Variants in ADGRA3 observed in about 807,000 individuals in gnomAD.
ADGRA3 encodes the protein adhesion G protein-coupled receptor A3.
A neutral mutation model predicts 119.8 loss-of-function variants in ADGRA3; 56 were observed. The observed-to-expected ratio is 0.47, with a 90% CI of 0.38 to 0.58. ADGRA3 has a LOEUF of 0.58. Ranked by LOEUF, ADGRA3 falls within the 20% of genes least tolerant of loss-of-function variation. ADGRA3 has a pLI of 0.00. For synonymous variants in ADGRA3, 607 were observed against 623.8 expected (o/e 0.97, Z 0.40); for missense variants, 1,516 against 1,649.0 (o/e 0.92, Z 1.40).
chr4:22,487,421 A>G (rs568004454), intron 1 of ADGRA3, among the ~76,000 whole-genome samples: 1 of 152,254 alleles, frequency 6.6e-6, no homozygotes, highest in East Asian at 1.9e-4. Flanking sequence ...TACTCCTGTG[A>G]GAATTCTTAA....
intron 1 of ADGRA3, among the ~76,000 whole-genome samples, chr4:22,500,728 C>T (rs531969395): frequency 8.5e-5 from 13 of 152,236 alleles, no homozygotes; most frequent in South Asian, 2.1e-4. Flanking sequence ...AGCTGGTAAA[C>T]CATTATTTCA....
At chr4:22,453,342 T>C (rs1717128570) in intron 4 of ADGRA3, among the ~76,000 whole-genome samples, 1 of 152,092 alleles carries the variant, frequency 6.6e-6, no homozygotes, top group Non-Finnish European at 1.5e-5. Context: ...AAGTCATGAG[T>C]AAAGCTGCAC....
At chr4:22,438,108 T>C (rs1428708751) in intron 8 of ADGRA3, 148 bp downstream of exon 8, 3 of 572,286 alleles carry the variant, frequency 5.2e-6, no homozygotes, top group Non-Finnish European at 9.3e-6. Flanking sequence ...CCATATGTGA[T>C]TCTGAAATCA....
In ADGRA3 at chr4:22,388,253, T is replaced by C. The variant is rs1248057817; in HGVS notation, c.3418A>G (p.Asn1140Asp). The change falls in exon 19 of 19, where the codon AAT becomes GAT. Residue 1140 changes from asparagine (N) to aspartate (D), a missense_variant. By Grantham distance (23) the Asn-to-Asp change is conservative. Coordinates refer to ENST00000334304, the MANE Select transcript of ADGRA3 (RefSeq NM_145290.4). ...TCCATTGAATGTTCTGTCAGACTATTATCAAGCTGAGGGGTGGAGTTCAAA... is the reference window on the plus strand; with the variant it reads ...TCCATTGAATGTTCTGTCAGACTATCATCAAGCTGAGGGGTGGAGTTCAAA... ...LPLNSTPQLD[N>D]SLTEHSMDND... is the part of the protein sequence containing the mutation. 6.2e-7 allele frequency: 1 copy of C among 1,614,080 alleles called. No homozygotes were observed. The highest frequency in any genetic ancestry group is 1.7e-5 in the Admixed American group (1 of 60,014).
intron 16 of ADGRA3, chr4:22,394,203 AT>A (rs1352570781): frequency 6.6e-6 from 1 of 152,194 alleles, no homozygotes; most frequent in Non-Finnish European, 1.5e-5. Context: ...CGATAATAAA[AT>A]TATGGACCAC....
chr4:22,388,406 A>AT lies in ADGRA3; in HGVS notation c.3264dup (p.Cys1089MetfsTer4), dbSNP rs777269942. 1 of 1,614,064 alleles carries AT rather than the reference A, an allele frequency of 6.2e-7. No homozygotes were observed. The highest frequency in any genetic ancestry group is 1.1e-5 in the South Asian group (1 of 91,076). ...GAAGACTCCGCACTGCTATTGGGGC[A>AT]TTTGGGTGCCTCTCCATTCGTCCCA... On this transcript the variant is annotated frameshift_variant, in exon 19 of 19. Transcript: ENST00000334304. LOFTEE classifies it high-confidence loss of function.
intron 1 of ADGRA3, among the ~76,000 whole-genome samples, chr4:22,488,535 T>A (rs918448102): frequency 8.5e-5 from 13 of 152,166 alleles, no homozygotes; most frequent in African/African-American, 2.9e-4. Context: ...ACAAGAGCTG[T>A]AAGGGGTTAA....
chr4:22,411,631 C>T (rs1715205370), intron 14 of ADGRA3, among the ~76,000 whole-genome samples: 1 of 152,056 alleles, frequency 6.6e-6, no homozygotes, highest in African/African-American at 2.4e-5. Flanking sequence ...AAGTTGACTA[C>T]ACAATAATAA....
intron 1 of ADGRA3, among the ~76,000 whole-genome samples, chr4:22,492,788 A>T (rs529146541): frequency 3.9e-4 from 60 of 152,358 alleles, no homozygotes; most frequent in Non-Finnish European, 6.0e-4. Flanking sequence ...AACAAAGACT[A>T]GCCAAACCAA....
Position 22,420,984 on chromosome 4 carries a change from G to T in ADGRA3, c.1711C>A (p.Leu571Ile). ...GGATCCCGCCTCCCATAATCCGAAA[G>T]TCCTGTACGATCAGAGGCTGCCACT... is the stretch of plus-strand genomic sequence containing the variant. Reference protein sequence around the residue: ...QKVAASDRTGLSDYGRRDPEG... With the variant: ...QKVAASDRTGISDYGRRDPEG... Residue 571 changes from leucine (L) to isoleucine (I), a missense_variant, in exon 12 of 19, where the codon CTT (leucine) becomes ATT (isoleucine). Around this residue, in one of 2 missense-constraint regions of ADGRA3, gnomAD observed 1,088 missense variants for 1,107.1 expected, o/e 0.98. Transcript: ENST00000334304. 1 of 1,614,042 alleles carries T rather than the reference G, an allele frequency of 6.2e-7. No homozygotes were observed. The highest frequency in any genetic ancestry group is 1.7e-5 in the Admixed American group (1 of 60,002).
At chr4:22,508,490 T>C (rs1719321368) in intron 1 of ADGRA3, among the ~76,000 whole-genome samples, 1 of 152,188 alleles carries the variant, frequency 6.6e-6, no homozygotes, top group Non-Finnish European at 1.5e-5. Flanking sequence ...TCAACCGATG[T>C]CCATGGAAAA....
At chr4:22,399,535 T>C (rs1714523010) in intron 16 of ADGRA3, among the ~76,000 whole-genome samples, 1 of 151,210 alleles carries the variant, frequency 6.6e-6, no homozygotes, top group African/African-American at 2.4e-5. Context: ...AAGACCCAGT[T>C]TAATCTTTTT....
chr4:22,497,050 A>C (rs962350881), intron 1 of ADGRA3, among the ~76,000 whole-genome samples: 5 of 152,228 alleles, frequency 3.3e-5, no homozygotes, highest in Non-Finnish European at 7.3e-5. Flanking sequence ...TACTTTTATA[A>C]CTTTTGGGGC....
chr4:22,443,722 G>T lies in ADGRA3; in HGVS notation c.707-859C>A, dbSNP rs773994145. Among the ~76,000 whole-genome samples, 69 of 152,054 alleles carry T rather than the reference G, an allele frequency of 4.5e-4. 1 individual carries two copies. Among genetic ancestry groups the T allele is most frequent in the Non-Finnish European group, 5.4e-4 (37 of 67,986 alleles). Reference sequence around the variant, plus strand: ...AAAGGTTATAAAATATCATTAGAGTGTAACGATATTTTGGTTAAAAAATAG... The same window carrying T: ...AAAGGTTATAAAATATCATTAGAGTTTAACGATATTTTGGTTAAAAAATAG... On this transcript the variant is annotated intron_variant, in intron 6 of 18. Transcript: ENST00000334304.
intron 7 of ADGRA3, among the ~76,000 whole-genome samples, chr4:22,441,815 C>A (rs530704924): frequency 6.6e-6 from 1 of 152,162 alleles, no homozygotes; most frequent in Admixed American, 6.6e-5. Flanking sequence ...AAATATGCTT[C>A]TAGTAGACAT....
chr4:22,475,442 A>T lies in ADGRA3; in HGVS notation c.258-1599T>A, dbSNP rs543714586. On this transcript the variant is annotated intron_variant, in intron 1 of 18. Coordinates refer to ENST00000334304, the MANE Select transcript of ADGRA3 (RefSeq NM_145290.4). ...ACGAGAATGCAAAGGCATAAGAATG[A>T]CACAATGAGGCCGGGGGCGGCGGCT... Among the ~76,000 whole-genome samples, 3 of 152,308 alleles carry T rather than the reference A, an allele frequency of 2.0e-5. No homozygotes were observed. The East Asian group carries it at 5.8e-4, about 30-fold the overall frequency.
chr4:22,407,132 G>A (rs1174844671), intron 14 of ADGRA3, among the ~76,000 whole-genome samples: 4 of 152,098 alleles, frequency 2.6e-5, no homozygotes, highest in South Asian at 2.1e-4. Context: ...TTAGCCAGGC[G>A]TGGTGGTGGG....
intron 7 of ADGRA3, among the ~76,000 whole-genome samples, chr4:22,441,443 A>G (rs1716608166): frequency 6.6e-6 from 1 of 152,208 alleles, no homozygotes; most frequent in South Asian, 2.1e-4. Flanking sequence ...CAGACAGTAC[A>G]TATTTTAGGC....
In ADGRA3 at chr4:22,413,594, T is replaced by C. The variant is rs371416284; in HGVS notation, c.2023+7A>G. 1.4e-5 allele frequency: 23 copies of C among 1,611,666 alleles called. No individual in the cohort carries two copies. The African/African-American group carries it at 3.1e-4, about 21-fold the overall frequency. ...TGACTACAGGATAACATATGCCACA[T>C]ACAAACCTATTTTGGTGAGAATCAC... is the stretch of plus-strand genomic sequence containing the variant. On this transcript the variant is annotated splice_region_variant and intron_variant, in intron 13 of 18. Transcript: ENST00000334304.
Sources: gnomAD v4.1 joint callset for allele counts (sites outside exome capture counted in the v4.1 genomes callset) on GRCh38, gnomAD v4.1.1 for gene constraint, gnomAD v4.1.1 regional missense constraint, MANE v1.5 for transcripts, NCBI Gene and HGNC (gene_info 2026-07-23, HGNC 2026-07-21) for gene names.